The following WDFY3 variants were observed in gnomAD, a reference collection of about 807,000 sequenced individuals.
WDFY3 encodes the protein WD repeat and FYVE domain-containing protein 3.
WDFY3 carries 66 observed loss-of-function variants against 409.6 expected under a neutral mutation model. The ratio of observed to expected loss-of-function variants is 0.16; its 90% CI spans 0.13 to 0.20. The LOEUF is 0.20. WDFY3 is among the 10% of genes least tolerant of loss of function. The pLI, the probability that WDFY3 is intolerant of heterozygous loss-of-function variation, is 1.00. For missense variants in WDFY3, 3,031 were observed against 4,298.1 expected, an observed-to-expected ratio of 0.71 and a Z score of 8.24; for synonymous variants, 1,521 against 1,537.1, an observed-to-expected ratio of 0.99 and a Z score of 0.25.
At chr4:84,888,502 T>C (rs1191488191) in intron 3 of WDFY3, among the ~76,000 whole-genome samples, 1 of 152,222 alleles carries the variant, frequency 6.6e-6, no homozygotes, top group African/African-American at 2.4e-5. Context: ...CTTATTCTTC[T>C]GTGAATAAAA....
At chr4:84,909,017 C>G (rs532531606) in intron 2 of WDFY3, among the ~76,000 whole-genome samples, 2 of 151,494 alleles carry the variant, frequency 1.3e-5, no homozygotes, top group East Asian at 3.9e-4. Flanking sequence ...TCTATTCCTA[C>G]GCACGTATCC....
rs762310419 is a variant in WDFY3, at chr4:84,735,031, A to G, written c.6993+12T>C. ...TGTAAAACAAACCATTATGATGATT[A>G]TAAGTCCTTACCTCCTGATATTCTT... is the stretch of plus-strand genomic sequence containing the variant. On this transcript the variant is annotated intron_variant, in intron 43 of 67. Transcript: ENST00000295888. The G allele has an allele frequency of 4.2e-5, 67 of 1,605,134 alleles. No homozygotes were observed. The highest frequency in any genetic ancestry group is 5.0e-5 in the Non-Finnish European group (59 of 1,173,962).
chr4:84,697,236 AG>A (rs924961687), intron 56 of WDFY3, among the ~76,000 whole-genome samples: 6 of 152,208 alleles, frequency 3.9e-5, no homozygotes, highest in African/African-American at 1.4e-4. Context: ...AACATTTTGC[AG>A]GGTTACTGTC....
chr4:84,720,749 C>T (rs988641019), intron 47 of WDFY3, among the ~76,000 whole-genome samples: 1 of 152,174 alleles, frequency 6.6e-6, no homozygotes, highest in African/African-American at 2.4e-5. Flanking sequence ...AAACCTGTTT[C>T]TTTATAAATT....
chr4:84,935,284 A>G (rs1453359662), intron 1 of WDFY3, among the ~76,000 whole-genome samples: 1 of 152,152 alleles, frequency 6.6e-6, no homozygotes, highest in Non-Finnish European at 1.5e-5. Context: ...TGATGATGCC[A>G]ATTTTTACTT....
chr4:84,952,215 T>C (rs1191516036), intron 1 of WDFY3, among the ~76,000 whole-genome samples: 1 of 152,124 alleles, frequency 6.6e-6, no homozygotes, highest in East Asian at 1.9e-4. Flanking sequence ...TGCCAACCCA[T>C]GTGGTGGTTA....
chr4:84,777,473 A>G (rs186334697), intron 27 of WDFY3, among the ~76,000 whole-genome samples: 1 of 152,270 alleles, frequency 6.6e-6, no homozygotes, highest in Admixed American at 6.5e-5. Flanking sequence ...CAAAAGAAGT[A>G]TAACTTGAAA....
intron 54 of WDFY3, 58 bp from the exon 55 acceptor site, chr4:84,704,502 T>A: frequency 7.3e-7 from 1 of 1,363,406 alleles, no homozygotes; most frequent in Non-Finnish European, 1.0e-6. Flanking sequence ...AAAAATAAAA[T>A]TGGTATTAAT....
intron 7 of WDFY3, among the ~76,000 whole-genome samples, chr4:84,832,272 T>C (rs759938432): frequency 2.6e-5 from 4 of 152,150 alleles, no homozygotes; most frequent in African/African-American, 4.8e-5. Flanking sequence ...CATTCATATG[T>C]AGAAGTTTAA....
rs578214639 is a variant in WDFY3, at chr4:84,719,473, C to T, written c.7606-903G>A. On this transcript the variant is annotated intron_variant, in intron 47 of 67. Coordinates refer to ENST00000295888, the MANE Select transcript of WDFY3 (RefSeq NM_014991.6). ...AGTCAAACACATGTCAGTTTGAATACACTTCCTGCACTATTAAAGCAACCA... is the reference window on the plus strand; with the variant it reads ...AGTCAAACACATGTCAGTTTGAATATACTTCCTGCACTATTAAAGCAACCA... Among the ~76,000 whole-genome samples the T allele has an allele frequency of 1.1e-3, 162 of 152,286 alleles. 2 individuals are homozygous for T. Among genetic ancestry groups the T allele is most frequent in the African/African-American group, 3.6e-3 (150 of 41,576 alleles).
intron 3 of WDFY3, among the ~76,000 whole-genome samples, chr4:84,891,534 G>T (rs1284905985): frequency 6.6e-6 from 1 of 152,016 alleles, no homozygotes; most frequent in Admixed American, 6.6e-5. Context: ...TTCAAACTAG[G>T]AGCATAAACC....
intron 54 of WDFY3, among the ~76,000 whole-genome samples, chr4:84,704,741 A>G (rs1178056120): frequency 6.6e-6 from 1 of 152,224 alleles, no homozygotes; most frequent in Non-Finnish European, 1.5e-5. Flanking sequence ...ACCATCTTCC[A>G]CTAAAGCAGG....
At chr4:84,808,439 G>C (rs768524970) in intron 14 of WDFY3, 22 bp from the exon 15 acceptor site, 1 of 1,610,852 alleles carries the variant, frequency 6.2e-7, no homozygotes, top group Non-Finnish European at 8.5e-7. Context: ...AAAACAGACA[G>C]GGTGGTTTAG....
intron 58 of WDFY3, among the ~76,000 whole-genome samples, chr4:84,693,644 T>G (rs1051986024): frequency 1.3e-5 from 2 of 152,190 alleles, no homozygotes; most frequent in African/African-American, 4.8e-5. Flanking sequence ...ATGCCTGTAA[T>G]CCCAGCACTT....
At chr4:84,790,579 T>G (rs79101624) in intron 21 of WDFY3, among the ~76,000 whole-genome samples, 278 of 152,120 alleles carry the variant, frequency 1.8e-3, no homozygotes, top group African/African-American at 6.3e-3. Context: ...AAAAAGAGAC[T>G]AGTTGACACC....
chr4:84,774,669 T>C (rs1745244405), intron 29 of WDFY3, 151 bp downstream of exon 29: 2 of 829,920 alleles, frequency 2.4e-6, no homozygotes, highest in Non-Finnish European at 3.6e-6. Context: ...GTCTCATTCA[T>C]GTTTTCCATG....
chr4:84,768,232 A>T (rs1162644329), intron 30 of WDFY3, among the ~76,000 whole-genome samples: 1 of 152,236 alleles, frequency 6.6e-6, no homozygotes, highest in Non-Finnish European at 1.5e-5. Flanking sequence ...GTTATACAGA[A>T]GATTTAGTAA....
chr4:84,836,280 G>T (rs1756559569), intron 7 of WDFY3, among the ~76,000 whole-genome samples: 2 of 151,804 alleles, frequency 1.3e-5, no homozygotes. Flanking sequence ...GTCAAATGTT[G>T]TTTTTTTAAT....
intron 7 of WDFY3, among the ~76,000 whole-genome samples, chr4:84,833,236 AAAAGTT>A (rs1756016614): frequency 6.6e-6 from 1 of 152,148 alleles, no homozygotes; most frequent in Admixed American, 6.6e-5. Context: ...TCAGGTTAGG[AAAAGTT>A]AACTTTTCTT....
Sources: allele counts gnomAD v4.1 joint callset (sites outside exome capture counted in the v4.1 genomes callset), GRCh38; gene constraint gnomAD v4.1.1; transcripts MANE v1.5; gene names NCBI Gene and HGNC (gene_info 2026-07-23, HGNC 2026-07-21).